Variants in PIK3CB observed in about 807,000 individuals in gnomAD.
PIK3CB encodes the protein phosphatidylinositol 4,5-bisphosphate 3-kinase catalytic subunit beta isoform.
A neutral mutation model predicts 136.8 loss-of-function variants in PIK3CB; 39 were observed. The ratio of observed to expected loss-of-function variants is 0.29; its 90% confidence interval spans 0.22 to 0.37. The LOEUF (loss-of-function observed/expected upper bound fraction) is 0.37, where lower values mean the gene tolerates loss of function less well. Ranked by LOEUF, PIK3CB falls within the 10% of genes least tolerant of loss-of-function variation. The probability of loss-of-function intolerance (pLI) is 1.00; values close to 1 mark genes in which losing one functional copy is unlikely to be tolerated. For synonymous variants in PIK3CB, 428 were observed against 436.6 expected (o/e 0.98, Z 0.25); for missense variants, 868 against 1,275.4 (o/e 0.68, Z 4.87).
In PIK3CB at chr3:138,661,749, T is replaced by C. The variant is rs547747239; in HGVS notation, c.2796+2157A>G. On this transcript the variant is annotated intron_variant, in intron 21 of 23. Transcript: ENST00000674063. Reference sequence around the variant, plus strand: ...GAACTAATCCAGATTTCCAAGGAGATACAAAACTGTGGGTCCCTCATAGAA... The same window carrying C: ...GAACTAATCCAGATTTCCAAGGAGACACAAAACTGTGGGTCCCTCATAGAA... Among the ~76,000 whole-genome samples, 34 of 152,310 alleles carry C rather than the reference T, an allele frequency of 2.2e-4. No individual in the cohort carries two copies. The Middle Eastern group carries it at 0.01, about 46-fold the overall frequency.
At chr3:138,752,156 C>T (rs1216322807) in intron 4 of PIK3CB, among the ~76,000 whole-genome samples, 2 of 151,890 alleles carry the variant, frequency 1.3e-5, no homozygotes, top group East Asian at 3.9e-4. Flanking sequence ...GTGGCATACA[C>T]CTTACTACAG....
At chr3:138,726,439 T>C (rs557678111) in intron 8 of PIK3CB, among the ~76,000 whole-genome samples, 4 of 152,348 alleles carry the variant, frequency 2.6e-5, no homozygotes, top group African/African-American at 9.6e-5. Flanking sequence ...CTACAACTCC[T>C]ATAATTGAAA....
At chr3:138,728,982 A>G (rs2044906981) in intron 8 of PIK3CB, among the ~76,000 whole-genome samples, 1 of 152,164 alleles carries the variant, frequency 6.6e-6, no homozygotes, top group Non-Finnish European at 1.5e-5. Flanking sequence ...AAGATAAAGA[A>G]CAAAATCAAG....
intron 2 of PIK3CB, among the ~76,000 whole-genome samples, chr3:138,789,467 T>A (rs866573035): frequency 6.6e-5 from 10 of 151,820 alleles, no homozygotes; most frequent in Non-Finnish European, 1.5e-4. Flanking sequence ...TCAAAAAAAA[T>A]AAAAAGAAAA....
chr3:138,662,090 TTTTTTTTTTTAGCATTGGTAA>T (rs1311339161), intron 21 of PIK3CB, among the ~76,000 whole-genome samples: 1 of 145,716 alleles, frequency 6.9e-6, no homozygotes, highest in Admixed American at 6.8e-5. Context: ...TCATCCCAAC[TTTTTTTTTTTAGCATTGGTAA>T]TCTTTTTTTT....
chr3:138,717,495 TA>T (rs2108593405), intron 8 of PIK3CB, among the ~76,000 whole-genome samples: 2 of 151,936 alleles, frequency 1.3e-5, no homozygotes, highest in African/African-American at 4.8e-5. Flanking sequence ...CAAAACTCAT[TA>T]AATGAAACCA....
chr3:138,785,281 G>A (rs1055021147), intron 2 of PIK3CB, among the ~76,000 whole-genome samples: 3 of 151,636 alleles, frequency 2.0e-5, no homozygotes, highest in African/African-American at 7.3e-5. Context: ...AGGAGGTGGG[G>A]GGGCGCCTCT....
In PIK3CB at chr3:138,796,298, T is replaced by C. The variant is rs979281539; in HGVS notation, c.-17+165A>G. Among the ~76,000 whole-genome samples the C allele has an allele frequency of 9.4e-5, 14 of 149,016 alleles. No individual in the cohort carries two copies. In the East Asian group the frequency reaches 9.8e-4, roughly 10 times the overall value. ...TACTCAGGAGGCTGAGGCAGGAGAA[T>C]TGCTTGAACCCAGGAGGCAGAGGTT... is the stretch of plus-strand genomic sequence containing the variant. On this transcript the variant is annotated intron_variant, in intron 2 of 23. Transcript: ENST00000674063.
rs140458035 is a variant in PIK3CB at position 138,684,750 on chromosome 3, G to A, written c.2190C>T (p.Ala730=). The A allele has an allele frequency of 1.2e-5, 19 of 1,613,746 alleles. No homozygotes were observed. Among genetic ancestry groups the A allele is most frequent in the African/African-American group, 9.3e-5 (7 of 74,982 alleles). The change falls in exon 17 of 24, where the codon GCC becomes GCT. Residue 730 remains alanine (A), a synonymous_variant. Transcript: ENST00000674063. ...TCCCTTTGGCTCTGTTTAACTTCAC[G>A]GCATTCAGTTTGATTAAACTATTTA... ...KTLNSLIKLN[A]VKLNRAKGKE...
chr3:138,700,952 T>C (rs910370148), intron 12 of PIK3CB, among the ~76,000 whole-genome samples: 1 of 152,124 alleles, frequency 6.6e-6, no homozygotes, highest in African/African-American at 2.4e-5. Context: ...AAAACCTTTA[T>C]TTATTAACTT....
At chr3:138,760,258 C>A (rs1419181684) in intron 2 of PIK3CB, among the ~76,000 whole-genome samples, 1 of 152,252 alleles carries the variant, frequency 6.6e-6, no homozygotes, top group Non-Finnish European at 1.5e-5. Flanking sequence ...CACGGCCCAT[C>A]CCCTAAGCAT....
chr3:138,668,113 G>A (rs2043453977), intron 19 of PIK3CB, among the ~76,000 whole-genome samples: 1 of 152,072 alleles, frequency 6.6e-6, no homozygotes, highest in African/African-American at 2.4e-5. Flanking sequence ...CTAGCAAAAT[G>A]AGGTTGGGGG....
At chr3:138,787,293 G>A (rs952314329) in intron 2 of PIK3CB, among the ~76,000 whole-genome samples, 9 of 150,968 alleles carry the variant, frequency 6.0e-5, no homozygotes, top group African/African-American at 1.7e-4. Context: ...TTGAACCTAG[G>A]AGGCAGATGC....
At chr3:138,727,157 G>A (rs1345315980) in intron 8 of PIK3CB, among the ~76,000 whole-genome samples, 1 of 152,202 alleles carries the variant, frequency 6.6e-6, no homozygotes, top group Non-Finnish European at 1.5e-5. Flanking sequence ...AGATGTTCAA[G>A]TGCCAGGGAG....
intron 1 of PIK3CB, among the ~76,000 whole-genome samples, chr3:138,814,688 A>G (rs1933217635): frequency 6.6e-6 from 1 of 151,960 alleles, no homozygotes; most frequent in Non-Finnish European, 1.5e-5. Context: ...CCAAAGGTTG[A>G]TCTCAAATTT....
chr3:138,779,629 G>T (rs2045901563), intron 2 of PIK3CB, among the ~76,000 whole-genome samples: 1 of 151,080 alleles, frequency 6.6e-6, no homozygotes, highest in East Asian at 2.0e-4. Flanking sequence ...CTGAACTCAA[G>T]TGATCCATCT....
At chr3:138,747,057 T>TATATATATAC (rs2045370572) in intron 4 of PIK3CB, among the ~76,000 whole-genome samples, 1 of 1,944 alleles carries the variant, frequency 5.1e-4, no homozygotes, top group African/African-American at 2.6e-3. Flanking sequence ...TCAGCCTTTA[T>TATATATATAC]ATATATATAT....
At chr3:138,804,326 C>A (rs2046207470) in intron 1 of PIK3CB, among the ~76,000 whole-genome samples, 2 of 151,838 alleles carry the variant, frequency 1.3e-5, no homozygotes, top group Admixed American at 1.3e-4. Context: ...CCAGCCTGGG[C>A]AACAGAGCAA....
At chr3:138,772,877 C>G (rs1169866876) in intron 2 of PIK3CB, among the ~76,000 whole-genome samples, 1 of 150,686 alleles carries the variant, frequency 6.6e-6, no homozygotes, top group Non-Finnish European at 1.5e-5. Flanking sequence ...CCTCAGCCTC[C>G]CAGGTTCAAG....
Sources: gnomAD v4.1 joint callset for allele counts (sites outside exome capture counted in the v4.1 genomes callset) on GRCh38, gnomAD v4.1.1 for gene constraint, MANE v1.5 for transcripts, NCBI Gene and HGNC (gene_info 2026-07-23, HGNC 2026-07-21) for gene names.